Variants in CCDC91 observed in about 807,000 individuals in gnomAD.
CCDC91 encodes coiled-coil domain-containing protein 91.
CCDC91 carries 48 observed loss-of-function variants against 63.2 expected under a neutral mutation model. That is an observed-to-expected ratio of 0.76 (90% CI 0.60 to 0.97). The LOEUF (loss-of-function observed/expected upper bound fraction) is 0.97, where lower values mean the gene tolerates loss of function less well. Ranked by LOEUF, CCDC91 falls within the 50% of genes least tolerant of loss-of-function variation. The pLI, the probability that CCDC91 is intolerant of heterozygous loss-of-function variation, is 0.00. For missense variants in CCDC91, 500 were observed against 494.6 expected (o/e 1.01, Z -0.10); for synonymous variants, 167 against 165.8 (o/e 1.01, Z -0.06).
At chr12:28,191,583 G>A (rs1324165830) in intron 1 of CCDC91, among the ~76,000 whole-genome samples, 2 of 152,118 alleles carry the variant, frequency 1.3e-5, no homozygotes, top group South Asian at 2.1e-4. Context: ...GCGTGGTGGA[G>A]TTATTGGAGT....
intron 8 of CCDC91, among the ~76,000 whole-genome samples, chr12:28,424,719 C>T (rs202069887): frequency 6.6e-6 from 1 of 152,114 alleles, no homozygotes; most frequent in Non-Finnish European, 1.5e-5. Context: ...AATGTGAATA[C>T]TAATATTGTC....
intron 12 of CCDC91, among the ~76,000 whole-genome samples, chr12:28,511,199 A>G (rs1276829938): frequency 6.6e-6 from 1 of 151,856 alleles, no homozygotes; most frequent in Non-Finnish European, 1.5e-5. Flanking sequence ...CACAAGACCA[A>G]GCTACCATTA....
intron 8 of CCDC91, among the ~76,000 whole-genome samples, chr12:28,424,471 C>T (rs1311327319): frequency 6.6e-6 from 1 of 152,100 alleles, no homozygotes; most frequent in Non-Finnish European, 1.5e-5. Context: ...AAATACTTAA[C>T]ATTTTCTAGT....
intron 8 of CCDC91, among the ~76,000 whole-genome samples, chr12:28,434,625 G>T (rs539072582): frequency 6.9e-4 from 86 of 125,218 alleles, no homozygotes; most frequent in African/African-American, 2.5e-3. Flanking sequence ...TTTTTGATTG[G>T]GGGGTGGGTA....
chr12:28,491,878 TG>T (rs1840098914), intron 12 of CCDC91, among the ~76,000 whole-genome samples: 1 of 150,496 alleles, frequency 6.6e-6, no homozygotes, highest in Admixed American at 6.7e-5. Flanking sequence ...TGTGTGTGTG[TG>T]TGTGTGTGTG....
At chr12:28,519,221 T>A (rs1314232356) in intron 12 of CCDC91, among the ~76,000 whole-genome samples, 2 of 152,080 alleles carry the variant, frequency 1.3e-5, no homozygotes, top group African/African-American at 4.8e-5. Flanking sequence ...CTATGATTTC[T>A]TTCAACAGTG....
At position 28,205,867 on chromosome 12, in the gene CCDC91, T is replaced by G. The variant is rs528939659; in HGVS notation, c.-15+15226T>G. Among the ~76,000 whole-genome samples, 9 of 152,326 alleles carry G rather than the reference T, an allele frequency of 5.9e-5. No homozygotes were observed. The East Asian group carries it at 1.3e-3, about 23-fold the overall frequency. On this transcript the variant is annotated intron_variant, in intron 1 of 12. Transcript: ENST00000536442. Reference sequence around the variant, plus strand: ...GAGTCCTTCTCAGGCCATATTTGGTTTGCTTTAGCAGTTCTCCCCTTTTGC... The same window carrying G: ...GAGTCCTTCTCAGGCCATATTTGGTGTGCTTTAGCAGTTCTCCCCTTTTGC...
chr12:28,479,732 C>A (rs1951338778), intron 11 of CCDC91, among the ~76,000 whole-genome samples: 1 of 152,024 alleles, frequency 6.6e-6, no homozygotes, highest in Non-Finnish European at 1.5e-5. Context: ...GACATAGGAT[C>A]ATACTATGTG....
chr12:28,360,049 C>A (rs1385196125), intron 6 of CCDC91, among the ~76,000 whole-genome samples: 2 of 152,136 alleles, frequency 1.3e-5, no homozygotes, highest in African/African-American at 2.4e-5. Flanking sequence ...TAAAGGAGCT[C>A]CCACAAAAAT....
chr12:28,317,876 T>C (rs943652493), intron 6 of CCDC91, among the ~76,000 whole-genome samples: 5 of 151,886 alleles, frequency 3.3e-5, no homozygotes, highest in African/African-American at 1.2e-4. Context: ...AACACCATGA[T>C]TGATGTTCCT....
chr12:28,526,479 A>T (rs949331213), intron 12 of CCDC91, among the ~76,000 whole-genome samples: 1 of 151,962 alleles, frequency 6.6e-6, no homozygotes, highest in Non-Finnish European at 1.5e-5. Context: ...TCTATTGTTA[A>T]TCTGATTGGT....
intron 6 of CCDC91, among the ~76,000 whole-genome samples, chr12:28,338,365 A>G (rs932390476): frequency 6.6e-6 from 1 of 150,974 alleles, no homozygotes; most frequent in Non-Finnish European, 1.5e-5. Context: ...CATGTGCACA[A>G]TGTGCAGGTT....
chr12:28,296,339 A>G (rs1405376730), intron 3 of CCDC91, among the ~76,000 whole-genome samples: 1 of 151,868 alleles, frequency 6.6e-6, no homozygotes, highest in Non-Finnish European at 1.5e-5. Context: ...TTTGTAGTAT[A>G]CAGGGTTACC....
chr12:28,351,689 T>TC (rs1242679554), intron 6 of CCDC91, among the ~76,000 whole-genome samples: 1 of 152,076 alleles, frequency 6.6e-6, no homozygotes, highest in Non-Finnish European at 1.5e-5. Flanking sequence ...TTTTTTTTTT[T>TC]CTGAAGATTA....
At chr12:28,240,652 C>T (rs1397893297) in intron 1 of CCDC91, among the ~76,000 whole-genome samples, 3 of 151,090 alleles carry the variant, frequency 2.0e-5, no homozygotes, top group Non-Finnish European at 1.5e-5. Context: ...TTTTTTTTCA[C>T]TCAGTGTAAT....
At chr12:28,483,012 G>A (rs1178532133) in intron 11 of CCDC91, among the ~76,000 whole-genome samples, 4 of 151,922 alleles carry the variant, frequency 2.6e-5, no homozygotes, top group Non-Finnish European at 4.4e-5. Flanking sequence ...AGTATGTACA[G>A]TTTATCCCAT....
chr12:28,345,327 CTT>C (rs902117492), intron 6 of CCDC91, among the ~76,000 whole-genome samples: 13 of 151,974 alleles, frequency 8.6e-5, no homozygotes, highest in Non-Finnish European at 1.8e-4. Context: ...CTTAACATAA[CTT>C]AGATTATGTC....
At chr12:28,334,742 T>C (rs1017275295) in intron 6 of CCDC91, among the ~76,000 whole-genome samples, 13 of 152,180 alleles carry the variant, frequency 8.5e-5, no homozygotes, top group African/African-American at 2.9e-4. Flanking sequence ...CAGTATCATA[T>C]ACATTTACCT....
chr12:28,261,050 G>T (rs1176804336), intron 3 of CCDC91, among the ~76,000 whole-genome samples: 1 of 151,944 alleles, frequency 6.6e-6, no homozygotes, highest in South Asian at 2.1e-4. Flanking sequence ...AATAACTCAG[G>T]TTTTTTGAAA....
Sources: gnomAD v4.1 joint callset for allele counts (sites outside exome capture counted in the v4.1 genomes callset) on GRCh38, gnomAD v4.1.1 for gene constraint, MANE v1.5 for transcripts, NCBI Gene and HGNC (gene_info 2026-07-23, HGNC 2026-07-21) for gene names.